Variants in PHF8 observed in about 807,000 individuals in gnomAD.
The protein encoded by PHF8 is PHD finger protein 8, also known as histone lysine demethylase PHF8.
In PHF8, 9 loss-of-function variants were observed where a neutral mutation model predicts 74.4. The observed-to-expected ratio is 0.12, with a 90% CI of 0.07 to 0.21. The LOEUF is 0.21. Ranked by LOEUF, PHF8 falls within the 10% of genes least tolerant of loss-of-function variation. The pLI is 1.00. For missense variants in PHF8, 478 were observed against 816.6 expected (o/e 0.59, Z 5.05); for synonymous variants, 311 against 316.6 (o/e 0.98, Z 0.19).
chrX:53,977,289 C>G (rs191166926), intron 18 of PHF8, among the ~76,000 whole-genome samples: 4 of 111,900 alleles, frequency 3.6e-5, no homozygotes, highest in African/African-American at 1.3e-4. Flanking sequence ...GAGCCGAGAT[C>G]GTGCCACTGC....
chrX:53,963,547 A>C (rs1472126689), intron 18 of PHF8, among the ~76,000 whole-genome samples: 1 of 112,288 alleles, frequency 8.9e-6, no homozygotes, highest in Non-Finnish European at 1.9e-5. Flanking sequence ...TGAAAAAAAC[A>C]AACAATCCCA....
At chrX:54,016,407 T>C (rs1298069959) in intron 6 of PHF8, among the ~76,000 whole-genome samples, 188 bp downstream of exon 6, 1 of 108,751 alleles carries the variant, frequency 9.2e-6, no homozygotes, top group African/African-American at 3.4e-5. Context: ...GGCAGGAGAA[T>C]TGCTTGAACC....
At chrX:54,026,707 C>T (rs1394832763) in intron 2 of PHF8, among the ~76,000 whole-genome samples, 2 of 111,128 alleles carry the variant, frequency 1.8e-5, no homozygotes, top group African/African-American at 6.6e-5. Context: ...AGTGATCCTC[C>T]TGCCCCAGCC....
intron 14 of PHF8, among the ~76,000 whole-genome samples, chrX:53,991,947 C>T (rs988087974): frequency 1.8e-5 from 2 of 111,263 alleles, no homozygotes; most frequent in African/African-American, 3.3e-5. Context: ...GGGAAGGTAA[C>T]AGGGAAAGAG....
chrX:54,042,955 A>AG (rs1450386176), intron 1 of PHF8, 135 bp from the exon 2 acceptor site: 14 of 551,424 alleles, frequency 2.5e-5, no homozygotes, highest in Non-Finnish European at 3.2e-5. Flanking sequence ...GGGCAACCAG[A>AG]GAAAGTCCAC....
rs890084726 is a variant in PHF8 at position 53,937,833 on chromosome X, G to A, written c.*1325C>T. On this transcript the variant is annotated 3_prime_UTR_variant, in exon 22 of 22. Transcript: ENST00000338154. ...CAAGGGTACACTCCACTTGGGTAGT[G>A]CCAAATGGAGGTGGGGGGATGTTCT... The A allele has an allele frequency of 1.8e-5, 9 of 488,143 alleles. No homozygotes were observed. Among genetic ancestry groups the A allele is most frequent in the Admixed American group, 1.2e-4 (4 of 32,303 alleles). The allele number at this position is 488,143 out of a possible 1,213,427, so 40.2% of individuals were successfully genotyped here.
chrX:54,010,580 T>C (rs1463674146), intron 8 of PHF8, among the ~76,000 whole-genome samples: 1 of 111,297 alleles, frequency 9.0e-6, no homozygotes, highest in East Asian at 2.8e-4. Context: ...ATTAAAGAAA[T>C]CAAAGAAAAT....
chrX:54,021,538 G>C (rs1341002923), intron 4 of PHF8, among the ~76,000 whole-genome samples: 5 of 89,382 alleles, frequency 5.6e-5, no homozygotes, highest in African/African-American at 8.7e-5. Context: ...GTGGGATCTC[G>C]GCTCACTGCA....
chrX:53,992,897 G>T, intron 13 of PHF8, 58 bp from the exon 14 acceptor site: 1 of 789,677 alleles, frequency 1.3e-6, no homozygotes, highest in Non-Finnish European at 1.9e-6. Flanking sequence ...GAATCACGAT[G>T]GCAAGTTCCC....
At chrX:54,037,338 C>T (rs1381380753) in intron 2 of PHF8, among the ~76,000 whole-genome samples, 1 of 111,499 alleles carries the variant, frequency 9.0e-6, no homozygotes, top group Non-Finnish European at 1.9e-5. Context: ...GCCTCAACTT[C>T]CTGGGCTCAA....
At chrX:53,974,310 A>G (rs1243153268) in intron 18 of PHF8, among the ~76,000 whole-genome samples, 4 of 112,129 alleles carry the variant, frequency 3.6e-5, no homozygotes, top group Non-Finnish European at 7.5e-5. Context: ...CATATGAAAA[A>G]AAGCTCAACA....
intron 2 of PHF8, among the ~76,000 whole-genome samples, chrX:54,027,477 C>T (rs781909043): frequency 9.0e-6 from 1 of 111,401 alleles, no homozygotes. Context: ...AGAGCCAAAT[C>T]GATACTTTTT....
chrX:54,017,739 G>C lies in PHF8; in HGVS notation c.376C>G (p.Leu126Val). 1 of 1,206,790 alleles carries C rather than the reference G, an allele frequency of 8.3e-7. No homozygotes were observed. The highest frequency in any genetic ancestry group is 3.0e-5 in the East Asian group (1 of 33,828). ...CCCAACCCATCCTTCTTCAGGACCA[G>C]GATGGGCACACTGAAGCTATTTTCT... ...LEENSFSVPI[L>V]VLKKDGLGMT... The change falls in exon 5 of 22, where the codon CTG (leucine) becomes GTG (valine). Residue 126 changes from leucine (L) to valine (V), a missense_variant. By Grantham distance (32) the Leu-to-Val change is conservative. Coordinates refer to ENST00000338154, the MANE Select transcript of PHF8 (RefSeq NM_015107.3).
chrX:53,978,271 C>T (rs1161593386), intron 18 of PHF8, among the ~76,000 whole-genome samples: 1 of 110,219 alleles, frequency 9.1e-6, no homozygotes, highest in East Asian at 2.9e-4. Context: ...AGTTAAAACA[C>T]CCACTGCCCA....
Position 53,995,722 on chromosome X carries a change from C to A in PHF8, c.1294G>T (p.Asp432Tyr). Residue 432 changes from aspartate (D) to tyrosine (Y), a missense_variant, in exon 12 of 22, where the codon GAT (aspartate) becomes TAT (tyrosine). By Grantham distance (160) the Asp-to-Tyr change is radical (BLOSUM62 -3). This residue lies in a region of PHF8 where 153 missense variants were observed against 164.8 expected (regional missense o/e 0.93). Coordinates refer to ENST00000338154, the MANE Select transcript of PHF8 (RefSeq NM_015107.3). The stretch of plus-strand genomic sequence containing the variant: ...ACCAGGCGGATCTCCCTGGCCAGAT[C>A]TTTAATGAGCTGTACGGTTCGCACT... Reference protein sequence around the residue: ...ETVRTVQLIKDLAREIRLVED... With the variant: ...ETVRTVQLIKYLAREIRLVED... The A allele has an allele frequency of 8.3e-7, 1 of 1,201,916 alleles. No individual in the cohort carries two copies. The highest frequency in any genetic ancestry group is 1.1e-6 in the Non-Finnish European group (1 of 886,857).
chrX:53,977,010 A>G (rs2065389065), intron 18 of PHF8, among the ~76,000 whole-genome samples: 1 of 112,757 alleles, frequency 8.9e-6, no homozygotes, highest in Non-Finnish European at 1.9e-5. Flanking sequence ...AAAATCAAAC[A>G]GATAACCTGA....
chrX:54,015,641 C>T (rs1193701098), intron 6 of PHF8, among the ~76,000 whole-genome samples: 2 of 105,810 alleles, frequency 1.9e-5, no homozygotes, highest in African/African-American at 6.9e-5. Context: ...TTACATAATA[C>T]GTTACCATTG....
At chrX:53,952,052 G>A (rs188410464) in intron 19 of PHF8, among the ~76,000 whole-genome samples, 23 of 110,284 alleles carry the variant, frequency 2.1e-4, no homozygotes, top group African/African-American at 6.6e-4. Context: ...TTGGGAGGCC[G>A]AAGCGGGCAG....
chrX:53,998,761 T>C (rs2065787121), intron 11 of PHF8, among the ~76,000 whole-genome samples: 1 of 112,013 alleles, frequency 8.9e-6, no homozygotes, highest in South Asian at 3.7e-4. Context: ...TTTTTTTTTA[T>C]AGTTGATTAA....
Sources: gnomAD v4.1 joint callset for allele counts (sites outside exome capture counted in the v4.1 genomes callset) on GRCh38, gnomAD v4.1.1 for gene constraint, gnomAD v4.1.1 regional missense constraint, MANE v1.5 for transcripts, NCBI Gene and HGNC (gene_info 2026-07-23, HGNC 2026-07-21) for gene names.